Variants in STK3 observed in about 807,000 individuals in gnomAD.
The protein encoded by STK3 is serine/threonine kinase 3, also known as serine/threonine-protein kinase 3.
Under a neutral mutation model 58.0 loss-of-function variants are expected in STK3, and 41 were observed. The observed-to-expected ratio is 0.71, with a 90% CI of 0.55 to 0.92. The LOEUF (loss-of-function observed/expected upper bound fraction) is 0.92, where lower values mean the gene tolerates loss of function less well. Ranked by LOEUF, STK3 falls within the 40% of genes least tolerant of loss-of-function variation. The pLI, the probability that STK3 is intolerant of heterozygous loss-of-function variation, is 0.00. For synonymous variants in STK3, 170 were observed against 191.0 expected (o/e 0.89, Z 0.91); for missense variants, 479 against 602.7 (o/e 0.79, Z 2.15).
chr8:98,586,617 G>C (rs1814627676), intron 7 of STK3, among the ~76,000 whole-genome samples: 1 of 150,804 alleles, frequency 6.6e-6, no homozygotes, highest in South Asian at 2.1e-4. Context: ...CTCATAAAAT[G>C]AGTTAGGGAG....
At chr8:98,643,645 G>C (rs1820188994) in intron 6 of STK3, among the ~76,000 whole-genome samples, 1 of 152,168 alleles carries the variant, frequency 6.6e-6, no homozygotes, top group Admixed American at 6.5e-5. Flanking sequence ...AGGAATTTTT[G>C]TTTTACTCAA....
intron 1 of STK3, among the ~76,000 whole-genome samples, chr8:98,895,026 T>A (rs1379083329): frequency 6.6e-6 from 1 of 152,130 alleles, no homozygotes; most frequent in East Asian, 1.9e-4. Flanking sequence ...TGCAATGGGA[T>A]AAATATAAAT....
intron 6 of STK3, among the ~76,000 whole-genome samples, chr8:98,701,659 C>CAT (rs1200699737): frequency 6.6e-6 from 1 of 150,746 alleles, no homozygotes; most frequent in African/African-American, 2.4e-5. Flanking sequence ...TATACACACA[C>CAT]ATATATATAC....
At chr8:98,491,583 A>G (rs7845750) in intron 10 of STK3, among the ~76,000 whole-genome samples, 69,213 of 151,932 alleles carry the variant, frequency 0.46, 15,939 homozygotes, top group Admixed American at 0.55. Flanking sequence ...TGGAATTACA[A>G]GCGTGTGCCA....
At chr8:98,402,798 C>T (rs531091316) in intron 3 of STK3, among the ~76,000 whole-genome samples, 6 of 152,140 alleles carry the variant, frequency 3.9e-5, no homozygotes, top group Admixed American at 6.5e-5. Context: ...TGGGGAGGAG[C>T]CTGCAGTATG....
chr8:98,681,159 C>T lies in STK3; in HGVS notation c.684+25308G>A, dbSNP rs984749192. Among the ~76,000 whole-genome samples the T allele has an allele frequency of 7.9e-5, 12 of 151,996 alleles. 1 individual carries two copies. Among genetic ancestry groups the T allele is most frequent in the Middle Eastern group, 6.8e-3 (2 of 294 alleles). Reference sequence around the variant, plus strand: ...GACTACAGGCGCGTGCCACCACACACGGCTAATTTTTGTATTTTTAGTGGA... The same window carrying T: ...GACTACAGGCGCGTGCCACCACACATGGCTAATTTTTGTATTTTTAGTGGA... On this transcript the variant is annotated intron_variant, in intron 6 of 10. Coordinates refer to ENST00000419617, the MANE Select transcript of STK3 (RefSeq NM_006281.4).
At chr8:98,654,800 G>T (rs1399056974) in intron 6 of STK3, among the ~76,000 whole-genome samples, 1 of 152,040 alleles carries the variant, frequency 6.6e-6, no homozygotes, top group Non-Finnish European at 1.5e-5. Flanking sequence ...CCTCTTCAAG[G>T]AGAACTACAA....
chr8:98,746,832 GT>G (rs1829673374), intron 4 of STK3, among the ~76,000 whole-genome samples: 1 of 151,982 alleles, frequency 6.6e-6, no homozygotes, highest in Non-Finnish European at 1.5e-5. Flanking sequence ...GAGACCAGGA[GT>G]TGAAGACCAG....
At chr8:98,833,662 G>A (rs1462674190) in intron 3 of STK3, among the ~76,000 whole-genome samples, 1 of 152,188 alleles carries the variant, frequency 6.6e-6, no homozygotes, top group African/African-American at 2.4e-5. Context: ...TAAAGAGTCT[G>A]TTCTGTCAAT....
At chr8:98,742,191 A>C (rs538939939) in intron 4 of STK3, among the ~76,000 whole-genome samples, 2 of 151,964 alleles carry the variant, frequency 1.3e-5, no homozygotes, top group African/African-American at 4.8e-5. Flanking sequence ...AAACTATTCC[A>C]ATCAATAGAA....
chr8:98,633,109 C>A (rs1250970595), intron 6 of STK3, among the ~76,000 whole-genome samples: 1 of 151,966 alleles, frequency 6.6e-6, no homozygotes, highest in Non-Finnish European at 1.5e-5. Context: ...CTTGTATGGT[C>A]TTGGGGCACA....
At chr8:98,670,799 C>T (rs1371486364) in intron 6 of STK3, among the ~76,000 whole-genome samples, 2 of 152,244 alleles carry the variant, frequency 1.3e-5, no homozygotes, top group African/African-American at 2.4e-5. Flanking sequence ...ACCTTCCTGT[C>T]CCCTCTCTAG....
chr8:98,498,849 G>T (rs1425172414), intron 10 of STK3, among the ~76,000 whole-genome samples: 1 of 152,076 alleles, frequency 6.6e-6, no homozygotes, highest in African/African-American at 2.4e-5. Flanking sequence ...AGTGCCCTGG[G>T]GATCAGTCCT....
intron 6 of STK3, among the ~76,000 whole-genome samples, chr8:98,612,564 C>G (rs748791417): frequency 6.6e-6 from 1 of 151,620 alleles, no homozygotes; most frequent in Non-Finnish European, 1.5e-5. Context: ...TGATGACTTC[C>G]CTGGATCTTC....
chr8:98,776,165 ATG>A (rs959154046), intron 1 of STK3, among the ~76,000 whole-genome samples: 49 of 151,998 alleles, frequency 3.2e-4, no homozygotes, highest in Non-Finnish European at 4.0e-4. Context: ...CAGGATAAGA[ATG>A]CCATGGACAG....
At chr8:98,796,752 T>G (rs1564010335) in intron 1 of STK3, among the ~76,000 whole-genome samples, 1 of 151,888 alleles carries the variant, frequency 6.6e-6, no homozygotes, top group African/African-American at 2.4e-5. Flanking sequence ...GAAACTTAAA[T>G]CAAAAAGTAA....
intron 6 of STK3, among the ~76,000 whole-genome samples, chr8:98,701,010 A>T (rs888945600): frequency 2.0e-5 from 3 of 152,046 alleles, no homozygotes; most frequent in Non-Finnish European, 2.9e-5. Flanking sequence ...CAAGGAAAAA[A>T]ATACAAAAAT....
chr8:98,803,598 AAAAAAAAAAAG>A (rs1270401594), intron 1 of STK3, among the ~76,000 whole-genome samples: 2 of 138,564 alleles, frequency 1.4e-5, no homozygotes, highest in African/African-American at 2.9e-5. Flanking sequence ...TGTTTCAAAA[AAAAAAAAAAAG>A]AAAAAAAAAG....
chr8:98,663,543 A>C (rs1822121032), intron 6 of STK3, among the ~76,000 whole-genome samples: 1 of 152,190 alleles, frequency 6.6e-6, no homozygotes, highest in Non-Finnish European at 1.5e-5. Context: ...AAGATTATAA[A>C]TCATGCTGCT....
Sources: gnomAD v4.1 joint callset for allele counts (sites outside exome capture counted in the v4.1 genomes callset) on GRCh38, gnomAD v4.1.1 for gene constraint, MANE v1.5 for transcripts, NCBI Gene and HGNC (gene_info 2026-07-23, HGNC 2026-07-21) for gene names.